The following SLC25A26 variants were observed in gnomAD, a reference collection of about 807,000 sequenced individuals.
SLC25A26 encodes the protein solute carrier family 25 member 26.
A neutral mutation model predicts 37.8 loss-of-function variants in SLC25A26; 36 were observed. That is an observed-to-expected ratio of 0.95 (90% confidence interval 0.73 to 1.26). The LOEUF is 1.26. Ranked by LOEUF, SLC25A26 falls within the 50% of genes most tolerant of loss-of-function variation. The pLI, the probability that SLC25A26 is intolerant of heterozygous loss-of-function variation, is 0.00. For synonymous variants in SLC25A26, 129 were observed against 122.5 expected (o/e 1.05, Z -0.35); for missense variants, 390 against 331.1 (o/e 1.18, Z -1.38).
intron 1 of SLC25A26, among the ~76,000 whole-genome samples, chr3:66,164,896 C>T (rs1331204125): frequency 2.6e-5 from 4 of 152,076 alleles, no homozygotes; most frequent in East Asian, 1.9e-4. Context: ...GTAATTATAA[C>T]GCAGTGGGAC....
intron 2 of SLC25A26, among the ~76,000 whole-genome samples, chr3:66,242,296 T>C (rs1454189221): frequency 3.3e-5 from 5 of 152,060 alleles, no homozygotes; most frequent in Non-Finnish European, 7.4e-5. Flanking sequence ...GTGGGAAAAA[T>C]CACATGAAGA....
chr3:66,187,979 T>C (rs933545106), intron 1 of SLC25A26, among the ~76,000 whole-genome samples: 5 of 152,284 alleles, frequency 3.3e-5, no homozygotes, highest in Admixed American at 1.3e-4. Context: ...TTGGCTGCCA[T>C]GCTGACTATG....
chr3:66,221,439 ACTACT>A (rs1468648393), intron 1 of SLC25A26, among the ~76,000 whole-genome samples: 1 of 152,222 alleles, frequency 6.6e-6, no homozygotes, highest in East Asian at 1.9e-4. Flanking sequence ...AAATAGTGTA[ACTACT>A]CTAGAGATCT....
chr3:66,166,170 T>C lies in SLC25A26; in HGVS notation c.-354+32186T>C, dbSNP rs1407626649. Among the ~76,000 whole-genome samples, 3 of 152,188 alleles carry C rather than the reference T, an allele frequency of 2.0e-5. No individual in the cohort carries two copies. The East Asian group carries it at 5.8e-4, about 29-fold the overall frequency. ...GTCAGTCCTATCTATCAGATGAACA[T>C]AGAATTGAAGGTGACATACTGATCT... is the stretch of plus-strand genomic sequence containing the variant. On this transcript the variant is annotated intron_variant, in intron 1 of 10. Transcript: ENST00000676754.
At chr3:66,348,058 A>C (rs707013) in intron 6 of SLC25A26, among the ~76,000 whole-genome samples, 11,927 of 152,206 alleles carry the variant, frequency 0.078, 664 homozygotes, top group African/African-American at 0.16. Context: ...TGATACATGC[A>C]ACAAACCACC....
At chr3:66,251,768 T>A (rs903742697) in intron 3 of SLC25A26, among the ~76,000 whole-genome samples, 5 of 152,248 alleles carry the variant, frequency 3.3e-5, no homozygotes, top group Admixed American at 6.5e-5. Context: ...AGTTTCTCGA[T>A]GAGTTCCTTT....
At chr3:66,330,686 A>G (rs1204337447) in intron 5 of SLC25A26, among the ~76,000 whole-genome samples, 1 of 152,020 alleles carries the variant, frequency 6.6e-6, no homozygotes, top group African/African-American at 2.4e-5. Context: ...GAATACACGA[A>G]GTTTGTAAAC....
chr3:66,349,192 TTC>T (rs1401962584), intron 6 of SLC25A26, among the ~76,000 whole-genome samples: 1 of 152,240 alleles, frequency 6.6e-6, no homozygotes, highest in East Asian at 1.9e-4. Flanking sequence ...GATTTAAAAA[TTC>T]TCTTTGAGCA....
intron 1 of SLC25A26, among the ~76,000 whole-genome samples, chr3:66,178,102 G>C (rs532699665): frequency 6.6e-6 from 1 of 152,270 alleles, no homozygotes; most frequent in South Asian, 2.1e-4. Flanking sequence ...TCAGGAAGCA[G>C]GGCAGCACTA....
rs980405004 is a variant in SLC25A26 at position 66,206,342 on chromosome 3, G to T, written c.-353-14400G>T. ...TTGGAACCAACAAACTTCATACTGA[G>T]GTAGATCCAGGGCTGCCACATATGG... On this transcript the variant is annotated intron_variant, in intron 1 of 10. Coordinates refer to the SLC25A26 transcript ENST00000676754. Among the ~76,000 whole-genome samples the T allele has an allele frequency of 2.8e-3, 424 of 152,224 alleles. 1 individual carries two copies. The highest frequency in any genetic ancestry group is 9.5e-3 in the African/African-American group (393 of 41,552).
At position 66,377,671 on chromosome 3, in the gene SLC25A26, A is replaced by C. The variant is rs1700753244; in HGVS notation, c.708-19A>C. On this transcript the variant is annotated intron_variant, in intron 9 of 9. Transcript: ENST00000354883. The stretch of plus-strand genomic sequence containing the variant: ...TTTTAAAATACGCACAACATTAAAA[A>C]TCCTGTTTTTTCCCCTAGATTATTT... 2 of 1,591,482 alleles carry C rather than the reference A, an allele frequency of 1.3e-6. No individual in the cohort carries two copies. Among genetic ancestry groups the C allele is most frequent in the South Asian group, 2.2e-5 (2 of 90,606 alleles).
chr3:66,206,633 A>G (rs1224055773), intron 1 of SLC25A26, among the ~76,000 whole-genome samples: 2 of 152,046 alleles, frequency 1.3e-5, no homozygotes, highest in African/African-American at 2.4e-5. Flanking sequence ...AGCATTAGAC[A>G]GAGGACATTT....
At chr3:66,135,124 C>A (rs1308421713) in intron 1 of SLC25A26, among the ~76,000 whole-genome samples, 1 of 152,150 alleles carries the variant, frequency 6.6e-6, no homozygotes, top group Admixed American at 6.5e-5. Flanking sequence ...AGCCACCATG[C>A]CCGGCCTGTC....
intron 5 of SLC25A26, among the ~76,000 whole-genome samples, chr3:66,285,286 C>G (rs1343692205): frequency 6.6e-6 from 1 of 151,412 alleles, no homozygotes; most frequent in East Asian, 2.0e-4. Flanking sequence ...TTTAAAAAAC[C>G]CTGCATTTGC....
intron 5 of SLC25A26, among the ~76,000 whole-genome samples, chr3:66,343,810 ACATTTAGAAAAG>A (rs2076260995): frequency 6.6e-6 from 1 of 152,230 alleles, no homozygotes; most frequent in African/African-American, 2.4e-5. Context: ...AAAGTTTAAA[ACATTTAGAAAAG>A]CTTTTAGAAA....
At chr3:66,281,086 T>C (rs995484764) in intron 5 of SLC25A26, among the ~76,000 whole-genome samples, 1 of 152,228 alleles carries the variant, frequency 6.6e-6, no homozygotes, top group Middle Eastern at 3.2e-3. Flanking sequence ...CTCCATGACA[T>C]AGACTTTTGT....
At chr3:66,319,428 G>A (rs1043172909) in intron 5 of SLC25A26, among the ~76,000 whole-genome samples, 5 of 151,894 alleles carry the variant, frequency 3.3e-5, no homozygotes, top group African/African-American at 7.3e-5. Context: ...AAAAAACTTC[G>A]CGCGCTTTTA....
At chr3:66,375,714 A>C (rs774167081) in intron 9 of SLC25A26, among the ~76,000 whole-genome samples, 1 of 152,100 alleles carries the variant, frequency 6.6e-6, no homozygotes, top group Non-Finnish European at 1.5e-5. Context: ...CTTTTAAAAT[A>C]TTTCCGCTCA....
chr3:66,202,352 G>A (rs1398220773), intron 1 of SLC25A26, among the ~76,000 whole-genome samples: 5 of 151,898 alleles, frequency 3.3e-5, no homozygotes, highest in African/African-American at 1.2e-4. Flanking sequence ...CACACACTGG[G>A]GCCTGTCATG....
Sources: allele counts gnomAD v4.1 joint callset (sites outside exome capture counted in the v4.1 genomes callset), GRCh38; gene constraint gnomAD v4.1.1; transcripts MANE v1.5; gene names NCBI Gene and HGNC (gene_info 2026-07-23, HGNC 2026-07-21).